MED13: variants seen among roughly 807,000 people sequenced by gnomAD.
MED13 encodes the protein mediator of RNA polymerase II transcription subunit 13.
In MED13, 23 loss-of-function variants were observed where a neutral mutation model predicts 225.2. That is an observed-to-expected ratio of 0.10 (90% CI 0.07 to 0.14). MED13 has a LOEUF of 0.14. MED13 is among the 10% of genes least tolerant of loss of function. The probability of loss-of-function intolerance (pLI) is 1.00; values close to 1 mark genes in which losing one functional copy is unlikely to be tolerated. For synonymous variants in MED13, 942 were observed against 889.2 expected, an observed-to-expected ratio of 1.06 and a Z score of -1.06; for missense variants, 2,197 against 2,594.5, an observed-to-expected ratio of 0.85 and a Z score of 3.33.
chr17:62,033,055 C>G (rs1184922408), intron 5 of MED13, among the ~76,000 whole-genome samples: 1 of 151,982 alleles, frequency 6.6e-6, no homozygotes, highest in East Asian at 1.9e-4. Flanking sequence ...AAGACTGAGG[C>G]ACGAAAAGCG....
Position 61,982,912 on chromosome 17 carries a change from G to A in MED13, c.3091C>T (p.Gln1031Ter). ...PRGAGGPASA[Q>*]GSVKYENSDL... ...GAATTTTCATATTTGACTGAACCTT[G>A]AGCACTAGCAGGTCCACCAGCTCCA... The change falls in exon 16 of 30, where the codon CAA becomes TAA. Residue 1031 changes from glutamine (Q) to a stop codon, truncating the protein, a stop_gained. Transcript: ENST00000397786. LOFTEE classifies it high-confidence loss of function. 1 of 1,614,140 alleles carries A rather than the reference G, an allele frequency of 6.2e-7. No individual in the cohort carries two copies. Among genetic ancestry groups the A allele is most frequent in the Non-Finnish European group, 8.5e-7 (1 of 1,180,026 alleles).
At chr17:62,059,144 A>T (rs1467247612) in intron 2 of MED13, among the ~76,000 whole-genome samples, 1 of 152,212 alleles carries the variant, frequency 6.6e-6, no homozygotes, top group African/African-American at 2.4e-5. Context: ...GAGATCCTAG[A>T]AAAGAAAAAC....
intron 1 of MED13, among the ~76,000 whole-genome samples, chr17:62,064,071 A>G (rs949129874): frequency 5.3e-5 from 8 of 152,248 alleles, no homozygotes; most frequent in African/African-American, 1.2e-4. Context: ...GGAGCAAAGC[A>G]TAAGGTGCCA....
chr17:62,021,307 C>T (rs1340872730), intron 8 of MED13, among the ~76,000 whole-genome samples: 4 of 146,322 alleles, frequency 2.7e-5, no homozygotes, highest in Admixed American at 6.8e-5. Context: ...GGCGGCTGGC[C>T]GGGCGGGGGG....
chr17:62,015,161 C>T (rs1000627663), intron 8 of MED13, among the ~76,000 whole-genome samples: 4 of 152,204 alleles, frequency 2.6e-5, no homozygotes, highest in East Asian at 3.9e-4. Context: ...AAACTATCTA[C>T]AAAAAGACAT....
intron 11 of MED13, among the ~76,000 whole-genome samples, chr17:61,992,325 G>C (rs993381200): frequency 6.6e-6 from 1 of 152,116 alleles, no homozygotes; most frequent in African/African-American, 2.4e-5. Context: ...GTAAAAACAG[G>C]AAAGAGGCTG....
Position 62,011,001 on chromosome 17 carries a change from C to T in MED13, c.1516G>A (p.Val506Met), listed in dbSNP as rs777317351. Residue 506 changes from valine to methionine, a missense_variant, in exon 9 of 30, where the codon GTG (valine) becomes ATG (methionine). Physicochemically the swap from Val to Met is conservative, Grantham distance 21. Around this residue, in one of 12 missense-constraint regions of MED13, gnomAD observed 884 missense variants for 918.5 expected, o/e 0.96. Transcript: ENST00000397786. ...TTAGTTCGGATATTTGAAAATCTCA[C>T]TTGACTGTCTGGAGCAGAGATCACA... ...RLVISAPDSQ[V>M]RFSNIRTNDV... 4 of 1,613,730 alleles carry T rather than the reference C, an allele frequency of 2.5e-6. No homozygotes were observed. Among genetic ancestry groups the T allele is most frequent in the East Asian group, 2.2e-5 (1 of 44,880 alleles).
In MED13 at chr17:61,975,921, C is replaced by T. The variant is rs951251183; in HGVS notation, c.3806-3033G>A. On this transcript the variant is annotated intron_variant, in intron 16 of 29. Coordinates refer to ENST00000397786, the MANE Select transcript of MED13 (RefSeq NM_005121.3). ...ATCCCAGTTACTTGGGAGGCTGAGG[C>T]GGGAGAATTGCTTGAACCTGGGAGG... 3.9e-5 allele frequency among the ~76,000 whole-genome samples: 6 copies of T among 151,984 alleles called. No homozygotes were observed. In the East Asian group the frequency reaches 5.8e-4, roughly 15 times the overall value.
chr17:62,052,390 A>C (rs2080964103), intron 3 of MED13, 147 bp downstream of exon 3: 3 of 492,568 alleles, frequency 6.1e-6, no homozygotes, highest in Non-Finnish European at 6.5e-6. Flanking sequence ...TTTAAAAAAA[A>C]AAAAAACCTG....
chr17:61,985,190 A>C (rs2080237431), intron 12 of MED13, 100 bp from the exon 13 acceptor site: 43 of 963,580 alleles, frequency 4.5e-5, no homozygotes, highest in Non-Finnish European at 6.4e-5. Flanking sequence ...CCCATTCATT[A>C]AAAGTAGTAT....
intron 8 of MED13, among the ~76,000 whole-genome samples, chr17:62,025,809 C>T (rs2080695970): frequency 6.6e-6 from 1 of 152,152 alleles, no homozygotes; most frequent in Non-Finnish European, 1.5e-5. Flanking sequence ...TTTTAAACTG[C>T]TAAACAATAG....
chr17:62,025,452 G>A (rs746265328), intron 8 of MED13, among the ~76,000 whole-genome samples: 52 of 152,202 alleles, frequency 3.4e-4, no homozygotes, highest in Non-Finnish European at 2.8e-4. Flanking sequence ...TGGATCACCT[G>A]AGGTCAGGAG....
intron 8 of MED13, among the ~76,000 whole-genome samples, chr17:62,020,233 TTTTTTTTTTATGAAGA>T (rs2143635002): frequency 9.9e-6 from 1 of 101,028 alleles, no homozygotes; most frequent in East Asian, 7.6e-4. Flanking sequence ...CAGCCTTTCT[TTTTTTTTTTATGAAGA>T]TTAAAGAAAA....
chr17:62,004,964 A>T (rs1038915013), intron 9 of MED13: 5 of 143,382 alleles, frequency 3.5e-5, no homozygotes, highest in Admixed American at 7.5e-5. Context: ...CAGTGGAGTG[A>T]TCTCTGCTCA....
At chr17:61,993,863 G>A (rs1408935746) in intron 10 of MED13, among the ~76,000 whole-genome samples, 8 of 151,788 alleles carry the variant, frequency 5.3e-5, no homozygotes, top group South Asian at 4.2e-4. Flanking sequence ...TCAGGGAGGC[G>A]AAGGTTGCAG....
intron 9 of MED13, chr17:62,005,345 T>C (rs895002131): frequency 1.3e-5 from 2 of 152,130 alleles, no homozygotes; most frequent in African/African-American, 4.8e-5. Context: ...GTGGCTCGTG[T>C]CTGTAATCCC....
intron 17 of MED13, among the ~76,000 whole-genome samples, 194 bp downstream of exon 17, chr17:61,972,533 T>C (rs2080119131): frequency 6.6e-6 from 1 of 152,202 alleles, no homozygotes; most frequent in Non-Finnish European, 1.5e-5. Flanking sequence ...GCCACTCCTT[T>C]TGAAGTGGAG....
chr17:62,003,971 C>T (rs1482197849), intron 9 of MED13: 3 of 152,166 alleles, frequency 2.0e-5, no homozygotes, highest in Admixed American at 2.0e-4. Context: ...TAGTCATGTA[C>T]ACAAGCAACC....
At chr17:62,028,050 G>A (rs747551583) in intron 8 of MED13, among the ~76,000 whole-genome samples, 3 of 152,112 alleles carry the variant, frequency 2.0e-5, no homozygotes, top group Non-Finnish European at 4.4e-5. Flanking sequence ...CCCATTACTG[G>A]TTATATACCC....
Sources: allele counts gnomAD v4.1 joint callset (sites outside exome capture counted in the v4.1 genomes callset), GRCh38; gene constraint gnomAD v4.1.1; regional missense constraint gnomAD v4.1.1; transcripts MANE v1.5; gene names NCBI Gene and HGNC (gene_info 2026-07-23, HGNC 2026-07-21).